Variants in MEIOB observed in about 807,000 individuals in gnomAD.
MEIOB encodes the protein meiosis specific with OB-fold.
MEIOB carries 50 observed loss-of-function variants against 53.1 expected under a neutral mutation model. That is an observed-to-expected ratio of 0.94 (90% CI 0.75 to 1.19). The LOEUF (loss-of-function observed/expected upper bound fraction) is 1.19, where lower values mean the gene tolerates loss of function less well. Ranked by LOEUF, MEIOB falls within the 50% of genes most tolerant of loss-of-function variation. The pLI, the probability that MEIOB is intolerant of heterozygous loss-of-function variation, is 0.00. For missense variants in MEIOB, 551 were observed against 550.8 expected (o/e 1.00, Z 0.00); for synonymous variants, 192 against 182.5 (o/e 1.05, Z -0.42).
intron 3 of MEIOB, among the ~76,000 whole-genome samples, chr16:1,863,086 G>A (rs1050733642): frequency 6.6e-6 from 1 of 151,904 alleles, no homozygotes; most frequent in Non-Finnish European, 1.5e-5. Flanking sequence ...AAAATTAGTG[G>A]TGGCACTCAT....
chr16:1,847,573 C>A (rs183654467), intron 9 of MEIOB, among the ~76,000 whole-genome samples: 2 of 150,384 alleles, frequency 1.3e-5, no homozygotes, highest in Non-Finnish European at 1.5e-5. Flanking sequence ...GAGTTTGAGA[C>A]CCCCCAAAAA....
intron 1 of MEIOB, among the ~76,000 whole-genome samples, chr16:1,870,187 T>C (rs1421991874): frequency 6.6e-6 from 1 of 152,164 alleles, no homozygotes; most frequent in Non-Finnish European, 1.5e-5. Flanking sequence ...AAATTATTGA[T>C]TTTAAACACA....
At chr16:1,858,487 C>T (rs890860127) in intron 5 of MEIOB, among the ~76,000 whole-genome samples, 31 of 152,172 alleles carry the variant, frequency 2.0e-4, no homozygotes, top group Non-Finnish European at 4.4e-4. Context: ...ACTGCTCGGC[C>T]TCACTTACCT....
chr16:1,851,083 C>T (rs899372483), intron 9 of MEIOB, among the ~76,000 whole-genome samples: 2 of 152,172 alleles, frequency 1.3e-5, no homozygotes, highest in Non-Finnish European at 2.9e-5. Context: ...GAGCAAACCT[C>T]TCAGAGCCGA....
At chr16:1,863,912 C>T (rs1381646651) in intron 3 of MEIOB, among the ~76,000 whole-genome samples, 1 of 152,110 alleles carries the variant, frequency 6.6e-6, no homozygotes, top group Non-Finnish European at 1.5e-5. Flanking sequence ...ATAATCCCGG[C>T]ACCTTGGGAG....
intron 9 of MEIOB, among the ~76,000 whole-genome samples, chr16:1,847,990 G>A (rs552721132): frequency 1.0e-3 from 155 of 152,042 alleles, no homozygotes; most frequent in Non-Finnish European, 1.9e-3. Flanking sequence ...CTCTGTCACC[G>A]AGGCTGCAGT....
intron 12 of MEIOB, among the ~76,000 whole-genome samples, chr16:1,838,873 G>A (rs1898820402): frequency 6.6e-6 from 1 of 152,004 alleles, no homozygotes. Context: ...TGTATTTTTA[G>A]TAGAAATGGG....
At chr16:1,846,958 C>A (rs1355231841) in intron 9 of MEIOB, among the ~76,000 whole-genome samples, 2 of 152,014 alleles carry the variant, frequency 1.3e-5, no homozygotes, top group African/African-American at 2.4e-5. Context: ...AGATCAAGAC[C>A]ATCCTGGCCA....
At chr16:1,865,549 A>G (rs1425053874) in intron 3 of MEIOB, among the ~76,000 whole-genome samples, 1 of 152,128 alleles carries the variant, frequency 6.6e-6, no homozygotes, top group Non-Finnish European at 1.5e-5. Flanking sequence ...ACATAAACAT[A>G]TATACACATA....
intron 6 of MEIOB, among the ~76,000 whole-genome samples, 184 bp downstream of exon 6, chr16:1,857,551 T>C (rs1742433): frequency 0.013 from 1,943 of 152,318 alleles, 44 homozygotes; most frequent in African/African-American, 0.045. Context: ...TTACTACTCA[T>C]CCACAGATAA....
At chr16:1,845,602 A>G (rs1213349560) in intron 9 of MEIOB, among the ~76,000 whole-genome samples, 1 of 152,172 alleles carries the variant, frequency 6.6e-6, no homozygotes, top group Non-Finnish European at 1.5e-5. Flanking sequence ...GTGGGATTGT[A>G]GGTGATCTTT....
intron 5 of MEIOB, among the ~76,000 whole-genome samples, chr16:1,859,861 T>C (rs891424542): frequency 3.3e-5 from 5 of 152,112 alleles, no homozygotes; most frequent in Admixed American, 1.3e-4. Context: ...GTGGATGGAC[T>C]ACAGCCAGGG....
chr16:1,854,311 A>G, intron 6 of MEIOB, 111 bp from the exon 7 acceptor site: 1 of 642,416 alleles, frequency 1.6e-6, no homozygotes, highest in South Asian at 2.0e-5. Flanking sequence ...TAGAAATATT[A>G]AACTAGCAAG....
At position 1,857,855 on chromosome 16, in the gene MEIOB, T is replaced by C. The variant is rs1440167050; in HGVS notation, c.408A>G (p.Leu136=). 1 of 1,551,292 alleles carries C rather than the reference T, an allele frequency of 6.4e-7. No homozygotes were observed. The highest frequency in any genetic ancestry group is 2.4e-5 in the East Asian group (1 of 40,916). ...VCSSYEVDTK[L]LSLIHLPVKE... ...TAACAGGTAAATGTATCAAAGAAAG[T>C]AACTTTGTGTCCACTTCATAACTGG... is the stretch of plus-strand genomic sequence containing the variant. The change falls in exon 6 of 14, where the codon TTA becomes TTG. Residue 136 remains leucine, a synonymous_variant. Transcript: ENST00000325962.
intron 9 of MEIOB, among the ~76,000 whole-genome samples, chr16:1,850,781 C>T (rs1899150574): frequency 6.6e-6 from 1 of 150,454 alleles, no homozygotes; most frequent in East Asian, 2.0e-4. Context: ...ATTAGCCAGG[C>T]ATGGTGGCGG....
At chr16:1,858,217 A>T (rs410465) in intron 5 of MEIOB, among the ~76,000 whole-genome samples, 125,583 of 152,076 alleles carry the variant, frequency 0.83, 51,976 homozygotes, top group Middle Eastern at 0.9. Flanking sequence ...AATAGGAGCA[A>T]AAAAGCGCTC....
At chr16:1,871,548 A>G (rs1252682334) in intron 1 of MEIOB, among the ~76,000 whole-genome samples, 3 of 84,002 alleles carry the variant, frequency 3.6e-5, no homozygotes, top group Non-Finnish European at 6.5e-5. Context: ...TTTTTTTGAC[A>G]GAGTCTTGCT....
At chr16:1,852,573 A>C (rs1899200532) in intron 9 of MEIOB, among the ~76,000 whole-genome samples, 7 of 146,688 alleles carry the variant, frequency 4.8e-5, no homozygotes, top group Admixed American at 4.8e-4. Flanking sequence ...TTTTTTTTTT[A>C]AGACGGGGTC....
chr16:1,850,477 G>A (rs1899139542), intron 9 of MEIOB, among the ~76,000 whole-genome samples: 1 of 152,004 alleles, frequency 6.6e-6, no homozygotes, highest in African/African-American at 2.4e-5. Context: ...CCAGGAGGCT[G>A]GAACAGGAGA....
Sources: gnomAD v4.1 joint callset for allele counts (sites outside exome capture counted in the v4.1 genomes callset) on GRCh38, gnomAD v4.1.1 for gene constraint, MANE v1.5 for transcripts, NCBI Gene and HGNC (gene_info 2026-07-23, HGNC 2026-07-21) for gene names.